CLVS1: variants seen among roughly 807,000 people sequenced by gnomAD.
The protein encoded by CLVS1 is clavesin-1.
CLVS1 carries 10 observed loss-of-function variants against 33.1 expected under a neutral mutation model. The ratio of observed to expected loss-of-function variants is 0.30; its 90% CI spans 0.19 to 0.51. CLVS1 has a LOEUF of 0.51. CLVS1 is among the 20% of genes least tolerant of loss of function. CLVS1 has a pLI of 0.97. For synonymous variants in CLVS1, 163 were observed against 166.1 expected, an observed-to-expected ratio of 0.98 and a Z score of 0.14; for missense variants, 343 against 433.4, an observed-to-expected ratio of 0.79 and a Z score of 1.85.
intron 2 of CLVS1, among the ~76,000 whole-genome samples, chr8:61,247,615 T>C (rs1808843404): frequency 6.6e-6 from 1 of 152,218 alleles, no homozygotes. Flanking sequence ...AAGTGTCTGT[T>C]CATGTCCTTT....
At chr8:61,133,822 C>A (rs2129291654) in intron 2 of CLVS1, among the ~76,000 whole-genome samples, 1 of 152,108 alleles carries the variant, frequency 6.6e-6, no homozygotes, top group South Asian at 2.1e-4. Context: ...GAGGTGGACA[C>A]AACAGGATCT....
At chr8:61,406,298 A>G (rs188092302) in intron 3 of CLVS1, among the ~76,000 whole-genome samples, 128 of 152,294 alleles carry the variant, frequency 8.4e-4, no homozygotes, top group Middle Eastern at 3.4e-3. Flanking sequence ...ATTCTACAAA[A>G]CAATACCTGT....
chr8:61,254,114 C>CTGTT (rs1167154531), intron 2 of CLVS1, among the ~76,000 whole-genome samples: 1 of 152,146 alleles, frequency 6.6e-6, no homozygotes, highest in Non-Finnish European at 1.5e-5. Flanking sequence ...GATGTCCTTT[C>CTGTT]TGTTTGTTTG....
chr8:61,451,808 C>CAGAGAG (rs1394837715), intron 3 of CLVS1, among the ~76,000 whole-genome samples: 12 of 132,154 alleles, frequency 9.1e-5, no homozygotes, highest in Admixed American at 8.0e-4. Flanking sequence ...AACACACACA[C>CAGAGAG]ACACAGAGAG....
intron 2 of CLVS1, among the ~76,000 whole-genome samples, chr8:61,192,557 G>T (rs1456599712): frequency 1.3e-5 from 2 of 152,090 alleles, no homozygotes; most frequent in African/African-American, 4.8e-5. Flanking sequence ...CACAGCAAAA[G>T]AAACTACCAT....
chr8:61,387,393 A>G (rs2129602398), intron 3 of CLVS1, among the ~76,000 whole-genome samples: 1 of 152,198 alleles, frequency 6.6e-6, no homozygotes, highest in East Asian at 1.9e-4. Context: ...TCTCAAAAAC[A>G]AAAACAAAAA....
chr8:61,085,743 A>G (rs1274936098), intron 1 of CLVS1, among the ~76,000 whole-genome samples: 1 of 149,878 alleles, frequency 6.7e-6, no homozygotes, highest in African/African-American at 2.5e-5. Context: ...AAAAAAAAAA[A>G]GGGCACAGTG....
intron 2 of CLVS1, among the ~76,000 whole-genome samples, chr8:61,182,030 A>G (rs964214495): frequency 1.1e-4 from 17 of 152,174 alleles, no homozygotes; most frequent in Admixed American, 7.2e-4. Context: ...AAACCTGACA[A>G]AAACAAGCAA....
chr8:61,370,333 C>T (rs1351817091), intron 2 of CLVS1: 1 of 151,642 alleles, frequency 6.6e-6, no homozygotes, highest in Non-Finnish European at 1.5e-5. Context: ...CAATGTGTAC[C>T]CTTTTATTTC....
chr8:61,001,560 A>C, the CLVS1 span, among the ~76,000 whole-genome samples: 1 of 152,264 alleles, frequency 6.6e-6, no homozygotes, highest in African/African-American at 2.4e-5. Flanking sequence ...ATCAAATATT[A>C]GTCTTTAGAG....
chr8:61,256,520 A>AAAAAC (rs778837908), intron 2 of CLVS1, among the ~76,000 whole-genome samples: 6 of 152,240 alleles, frequency 3.9e-5, no homozygotes, highest in African/African-American at 9.6e-5. Flanking sequence ...CTCAAAAACA[A>AAAAAC]AAAACAAAAC....
chr8:61,052,568 T>C (rs1804403278), upstream of CLVS1, among the ~76,000 whole-genome samples: 1 of 150,972 alleles, frequency 6.6e-6, no homozygotes, highest in South Asian at 2.1e-4. Flanking sequence ...AAGAGGACTA[T>C]AGGCAGAGGG....
intron 1 of CLVS1, among the ~76,000 whole-genome samples, chr8:61,065,409 G>A (rs1345883969): frequency 6.6e-6 from 1 of 152,126 alleles, no homozygotes; most frequent in Non-Finnish European, 1.5e-5. Context: ...GATACAGAGG[G>A]CCGACTGTAC....
intron 2 of CLVS1, among the ~76,000 whole-genome samples, chr8:61,224,559 A>C (rs1280175121): frequency 6.6e-6 from 1 of 152,062 alleles, no homozygotes; most frequent in African/African-American, 2.4e-5. Context: ...TTCTTCTGGG[A>C]CCCGACTTCG....
At chr8:61,491,107 A>G (rs945048860) in intron 5 of CLVS1, among the ~76,000 whole-genome samples, 1 of 152,242 alleles carries the variant, frequency 6.6e-6, no homozygotes, top group Non-Finnish European at 1.5e-5. Context: ...GTTAAAGCAA[A>G]TGTTGAGATA....
At chr8:61,336,922 A>G (rs530658772) in intron 2 of CLVS1, among the ~76,000 whole-genome samples, 1 of 152,348 alleles carries the variant, frequency 6.6e-6, no homozygotes, top group African/African-American at 2.4e-5. Context: ...ATCCAAAACT[A>G]CAGAGGGAAT....
chr8:61,241,460 A>AAG (rs758678187), intron 2 of CLVS1, among the ~76,000 whole-genome samples: 13 of 152,080 alleles, frequency 8.5e-5, no homozygotes, highest in Non-Finnish European at 1.2e-4. Flanking sequence ...CTTTGGGGAG[A>AAG]ATATATATTC....
chr8:61,305,175 A>C (rs577735772), intron 2 of CLVS1, among the ~76,000 whole-genome samples: 1 of 152,296 alleles, frequency 6.6e-6, no homozygotes, highest in South Asian at 2.1e-4. Flanking sequence ...GCAAATACCT[A>C]GGATACTGGG....
At chr8:60,995,644 C>G in the CLVS1 span, among the ~76,000 whole-genome samples, 1 of 152,304 alleles carries the variant, frequency 6.6e-6, no homozygotes, top group East Asian at 1.9e-4. Context: ...CCATTTGACC[C>G]AGCCATCCCA....
Sources: gnomAD v4.1 joint callset for allele counts (sites outside exome capture counted in the v4.1 genomes callset) on GRCh38, gnomAD v4.1.1 for gene constraint, MANE v1.5 for transcripts, NCBI Gene and HGNC (gene_info 2026-07-23, HGNC 2026-07-21) for gene names.